The following CA8 variants were observed in gnomAD, a reference collection of about 807,000 sequenced individuals.
CA8 encodes the protein carbonic anhydrase-related protein.
CA8 carries 22 observed loss-of-function variants against 41.4 expected under a neutral mutation model. The ratio of observed to expected loss-of-function variants is 0.53; its 90% CI spans 0.38 to 0.76. The LOEUF (loss-of-function observed/expected upper bound fraction) is 0.76. Ranked by LOEUF, CA8 falls within the 30% of genes least tolerant of loss-of-function variation. CA8 has a pLI of 0.00. For synonymous variants in CA8, 121 were observed against 130.6 expected (o/e 0.93, Z 0.50); for missense variants, 270 against 352.8 (o/e 0.77, Z 1.88).
chr8:60,198,684 A>G (rs900885869), intron 8 of CA8, among the ~76,000 whole-genome samples: 3 of 152,190 alleles, frequency 2.0e-5, no homozygotes, highest in Non-Finnish European at 4.4e-5. Flanking sequence ...TTTTTAGTTC[A>G]GAAATCAAAG....
chr8:60,202,324 T>C (rs1459949922), intron 8 of CA8, among the ~76,000 whole-genome samples: 1 of 151,994 alleles, frequency 6.6e-6, no homozygotes, highest in Non-Finnish European at 1.5e-5. Context: ...CTGCTGGGAT[T>C]ACAGGCATGA....
chr8:60,253,268 A>T (rs1388120654), intron 3 of CA8, among the ~76,000 whole-genome samples: 1 of 152,142 alleles, frequency 6.6e-6, no homozygotes, highest in Non-Finnish European at 1.5e-5. Context: ...CAATATGGAT[A>T]GTAGTGAAAG....
chr8:60,206,073 C>T (rs936519758), intron 8 of CA8, among the ~76,000 whole-genome samples: 3 of 152,158 alleles, frequency 2.0e-5, no homozygotes, highest in African/African-American at 4.8e-5. Context: ...ATTTGTATTA[C>T]ACATTTCAAG....
Position 60,222,659 on chromosome 8 carries a change from G to T in CA8, c.728C>A (p.Ser243Tyr). 1 of 1,589,722 alleles carries T rather than the reference G, an allele frequency of 6.3e-7. No homozygotes were observed. The highest frequency in any genetic ancestry group is 1.1e-5 in the South Asian group (1 of 90,616). ...WILFRYPLTI[S>Y]QLQIEEFRRL... ...AAGTAGCACACTCACCTGTAGCTGG[G>T]ATATAGTTAAAGGGTATCGGAATAA... Residue 243 changes from serine (S) to tyrosine (Y), a missense_variant, in exon 7 of 9, where the codon TCC becomes TAC. By Grantham distance (144) the Ser-to-Tyr change is moderately radical. Around this residue, in one of 3 missense-constraint regions of CA8, gnomAD observed 141 missense variants for 191.6 expected, o/e 0.74. Coordinates refer to ENST00000317995, the MANE Select transcript of CA8 (RefSeq NM_004056.6).
At chr8:60,262,628 G>C (rs756913990) in intron 3 of CA8, among the ~76,000 whole-genome samples, 11 of 152,216 alleles carry the variant, frequency 7.2e-5, no homozygotes, top group Non-Finnish European at 1.6e-4. Context: ...TGAGGCAGGA[G>C]GGTCCCTTGA....
At chr8:60,232,565 C>A in intron 3 of CA8, 186 bp from the exon 4 acceptor site, 1 of 653,482 alleles carries the variant, frequency 1.5e-6, no homozygotes. Flanking sequence ...TATTTCTGAA[C>A]AGAAGCAGTG....
At chr8:60,192,216 GA>G (rs5891753) in intron 8 of CA8, among the ~76,000 whole-genome samples, 61,498 of 151,820 alleles carry the variant, frequency 0.41, 13,259 homozygotes, top group African/African-American at 0.56. Context: ...ATGTTTCAAT[GA>G]AATCACAATC....
chr8:60,278,647 T>C lies in CA8; in HGVS notation c.292+1042A>G, dbSNP rs183342233. ...TACATATAAAGCCCAGTAACTCTTT[T>C]GGGCAATGCTCACATGCTGACTAAA... is the stretch of plus-strand genomic sequence containing the variant. On this transcript the variant is annotated intron_variant, in intron 2 of 8. Coordinates refer to ENST00000317995, the MANE Select transcript of CA8 (RefSeq NM_004056.6). Among the ~76,000 whole-genome samples, 1,001 of 152,340 alleles carry C rather than the reference T, an allele frequency of 6.6e-3. 36 individuals are homozygous for C. Among genetic ancestry groups the C allele is most frequent in the Admixed American group, 0.058 (895 of 15,310 alleles).
chr8:60,280,126 A>G (rs1804363260), intron 1 of CA8, among the ~76,000 whole-genome samples: 1 of 152,212 alleles, frequency 6.6e-6, no homozygotes, highest in Admixed American at 6.5e-5. Context: ...GTCAACAAAG[A>G]CATAATAATT....
intron 3 of CA8, among the ~76,000 whole-genome samples, chr8:60,243,031 T>C (rs956060425): frequency 1.3e-5 from 2 of 152,126 alleles, no homozygotes; most frequent in Admixed American, 6.5e-5. Context: ...TCTCCAGAAG[T>C]GAGGACAGCA....
intron 4 of CA8, among the ~76,000 whole-genome samples, chr8:60,230,671 C>A (rs1285254023): frequency 6.6e-6 from 1 of 151,876 alleles, no homozygotes; most frequent in Admixed American, 6.6e-5. Context: ...AGAATTTGCA[C>A]ACAGATAACC....
intron 3 of CA8, 41 bp from the exon 4 acceptor site, chr8:60,232,420 C>T (rs757851957): frequency 4.6e-6 from 6 of 1,307,750 alleles, no homozygotes; most frequent in Non-Finnish European, 6.7e-6. Context: ...ATTTAATGTG[C>T]TACTTCTAAT....
At chr8:60,193,164 C>T (rs189134285) in intron 8 of CA8, among the ~76,000 whole-genome samples, 1 of 152,186 alleles carries the variant, frequency 6.6e-6, no homozygotes, top group Admixed American at 6.5e-5. Context: ...GTGATAAATA[C>T]CTTGGGTTTT....
At chr8:60,205,367 A>G (rs188019321) in intron 8 of CA8, among the ~76,000 whole-genome samples, 3 of 152,322 alleles carry the variant, frequency 2.0e-5, no homozygotes, top group East Asian at 1.9e-4. Context: ...ATGGGCTAAC[A>G]CTTTATGAAG....
chr8:60,210,582 G>C (rs926907538), intron 7 of CA8, among the ~76,000 whole-genome samples: 8 of 150,944 alleles, frequency 5.3e-5, no homozygotes, highest in African/African-American at 1.9e-4. Flanking sequence ...AGTTCAATTA[G>C]AATCCGGGTC....
At chr8:60,237,661 C>A (rs1807879879) in intron 3 of CA8, among the ~76,000 whole-genome samples, 1 of 152,186 alleles carries the variant, frequency 6.6e-6, no homozygotes, top group Admixed American at 6.5e-5. Flanking sequence ...CAGCCTGAAC[C>A]CAAGACCTAC....
At chr8:60,224,896 A>G (rs1807374682) in intron 5 of CA8, among the ~76,000 whole-genome samples, 1 of 152,020 alleles carries the variant, frequency 6.6e-6, no homozygotes, top group Non-Finnish European at 1.5e-5. Flanking sequence ...TTCATAACAG[A>G]GATTTGGGCT....
At chr8:60,256,343 G>T (rs1172560617) in intron 3 of CA8, among the ~76,000 whole-genome samples, 1 of 152,184 alleles carries the variant, frequency 6.6e-6, no homozygotes, top group East Asian at 1.9e-4. Flanking sequence ...CAAGCAAAAT[G>T]CCACTCTCCC....
At chr8:60,222,547 C>G in intron 7 of CA8, 102 bp downstream of exon 7, 1 of 756,970 alleles carries the variant, frequency 1.3e-6, no homozygotes, top group Non-Finnish European at 2.4e-6. Context: ...AAAGGTATGA[C>G]TGATCTACAG....
Sources: gnomAD v4.1 joint callset for allele counts (sites outside exome capture counted in the v4.1 genomes callset) on GRCh38, gnomAD v4.1.1 for gene constraint, gnomAD v4.1.1 regional missense constraint, MANE v1.5 for transcripts, NCBI Gene and HGNC (gene_info 2026-07-23, HGNC 2026-07-21) for gene names.